ARHGAP10: variants seen among roughly 807,000 people sequenced by gnomAD.
The protein encoded by ARHGAP10 is Rho GTPase activating protein 10, also known as rho GTPase-activating protein 10.
Under a neutral mutation model 108.6 loss-of-function variants are expected in ARHGAP10, and 87 were observed. That is an observed-to-expected ratio of 0.80 (90% confidence interval 0.67 to 0.96). The LOEUF is 0.96. ARHGAP10 is among the 40% of genes least tolerant of loss of function. The pLI is 0.00. For missense variants in ARHGAP10, 939 were observed against 954.5 expected (o/e 0.98, Z 0.21); for synonymous variants, 347 against 341.1 (o/e 1.02, Z -0.19).
At position 147,822,837 on chromosome 4, in the gene ARHGAP10, T is replaced by C. The variant is rs1732561463; in HGVS notation, c.250+15T>C. 1 of 1,614,008 alleles carries C rather than the reference T, an allele frequency of 6.2e-7. No individual in the cohort carries two copies. The highest frequency in any genetic ancestry group is 1.3e-5 in the African/African-American group (1 of 75,040). On this transcript the variant is annotated intron_variant, in intron 2 of 22. Coordinates refer to ENST00000336498, the MANE Select transcript of ARHGAP10 (RefSeq NM_024605.4). ...ACGATGCATAGGTAATTAAACATGA[T>C]ATTTTGGTTTGTTTTCCTTTGCCAT...
rs1239573872 is a variant in ARHGAP10, at chr4:147,866,771, A to G, written c.657A>G (p.Lys219=). 2 of 1,614,016 alleles carry G rather than the reference A, an allele frequency of 1.2e-6. No homozygotes were observed. ...ATCATCAGGGCCATGAACTTGCCAA[A>G]GACTTCAATCACTACAAAATGGAAC... ...TFYHQGHELA[K]DFNHYKMELQ... is the part of the protein sequence containing the mutation. The change falls in exon 7 of 23, where the codon AAA becomes AAG. Residue 219 remains lysine, a synonymous_variant. Transcript: ENST00000336498.
At chr4:147,817,649 C>T (rs1732311082) in intron 1 of ARHGAP10, among the ~76,000 whole-genome samples, 1 of 152,200 alleles carries the variant, frequency 6.6e-6, no homozygotes, top group South Asian at 2.1e-4. Context: ...CATTGTCTCT[C>T]CTATTTGCCT....
intron 18 of ARHGAP10, among the ~76,000 whole-genome samples, chr4:147,993,043 T>C (rs1436736777): frequency 6.6e-6 from 1 of 152,258 alleles, no homozygotes; most frequent in Non-Finnish European, 1.5e-5. Context: ...ACCTTCTTTC[T>C]AATATCTTAC....
At chr4:148,042,695 T>A (rs1339367780) in intron 19 of ARHGAP10, among the ~76,000 whole-genome samples, 2 of 152,232 alleles carry the variant, frequency 1.3e-5, no homozygotes, top group East Asian at 3.8e-4. Context: ...GCCTGTCTTC[T>A]GCATTATACT....
chr4:147,908,362 A>G (rs1035814956), intron 11 of ARHGAP10, among the ~76,000 whole-genome samples: 4 of 152,200 alleles, frequency 2.6e-5, no homozygotes, highest in Admixed American at 2.6e-4. Flanking sequence ...TTGGAAAGTC[A>G]GTTTGCGTAG....
chr4:148,063,896 T>TG (rs2149690963), intron 21 of ARHGAP10, among the ~76,000 whole-genome samples: 1 of 152,278 alleles, frequency 6.6e-6, no homozygotes, highest in South Asian at 2.1e-4. Context: ...GTGCCTTTCT[T>TG]GGGGCGGAGG....
At position 148,072,221 on chromosome 4, in the gene ARHGAP10, T is replaced by C; in HGVS notation, c.*140T>C. On this transcript the variant is annotated 3_prime_UTR_variant, in exon 23 of 23. Transcript: ENST00000336498. Reference sequence around the variant, plus strand: ...GAGTTACCATCATCACAGTCAGCCCTGGGGGTGGGGGGTGGTGGGCAGGGA... The same window carrying C: ...GAGTTACCATCATCACAGTCAGCCCCGGGGGTGGGGGGTGGTGGGCAGGGA... 2.8e-6 allele frequency: 1 copy of C among 358,708 alleles called. No individual in the cohort carries two copies. The highest frequency in any genetic ancestry group is 7.3e-5 in the East Asian group (1 of 13,634). The allele number at this position is 358,708 out of a possible 1,614,324, so 22.2% of individuals were successfully genotyped here.
chr4:147,770,394 G>A (rs1480476688), intron 1 of ARHGAP10, among the ~76,000 whole-genome samples: 1 of 152,094 alleles, frequency 6.6e-6, no homozygotes, highest in Non-Finnish European at 1.5e-5. Context: ...GCATGGTGGT[G>A]GGCGCCTGTA....
chr4:147,765,888 A>G (rs546598181), intron 1 of ARHGAP10, among the ~76,000 whole-genome samples: 1 of 152,348 alleles, frequency 6.6e-6, no homozygotes, highest in East Asian at 1.9e-4. Flanking sequence ...TTTTGGAGAT[A>G]CACAATGCTG....
At chr4:147,915,737 G>A (rs1226878262) in intron 13 of ARHGAP10, among the ~76,000 whole-genome samples, 1 of 152,008 alleles carries the variant, frequency 6.6e-6, no homozygotes, top group African/African-American at 2.4e-5. Context: ...TTCCATTACT[G>A]AAACTTTTGC....
intron 19 of ARHGAP10, 37 bp from the exon 20 acceptor site, chr4:148,046,855 G>C (rs752266369): frequency 2.1e-5 from 34 of 1,585,080 alleles, no homozygotes; most frequent in Non-Finnish European, 2.5e-5. Context: ...TCTTCTCCAG[G>C]TATTTGTTTG....
chr4:147,965,100 G>A lies in ARHGAP10; in HGVS notation c.1527G>A (p.Met509Ile). ...VHKLPEKNKE[M>I]LDILVKHLTN... is the part of the protein sequence containing the mutation. ...AACTGCCAGAGAAGAATAAAGAGATGTTGGATATTTTGGTGAAACACTTAA... is the reference window on the plus strand; with the variant it reads ...AACTGCCAGAGAAGAATAAAGAGATATTGGATATTTTGGTGAAACACTTAA... Residue 509 changes from methionine (M) to isoleucine (I), a missense_variant, in exon 17 of 23, where the codon ATG (methionine) becomes ATA (isoleucine). Met to Ile is a conservative substitution (Grantham distance 10). Coordinates refer to ENST00000336498, the MANE Select transcript of ARHGAP10 (RefSeq NM_024605.4). 6.2e-7 allele frequency: 1 copy of A among 1,605,916 alleles called. No individual in the cohort carries two copies. Among genetic ancestry groups the A allele is most frequent in the South Asian group, 1.1e-5 (1 of 89,656 alleles).
chr4:147,840,196 A>AG (rs1449851259), intron 3 of ARHGAP10, among the ~76,000 whole-genome samples: 2 of 152,224 alleles, frequency 1.3e-5, no homozygotes, highest in Non-Finnish European at 2.9e-5. Flanking sequence ...CTTGCCAGGC[A>AG]GCCTGTTTCA....
chr4:147,732,453 AAAGT>A lies in ARHGAP10; in HGVS notation c.154+2_154+5del. On this transcript the variant is annotated splice_donor_variant and coding_sequence_variant, in exon 1 of 23. Transcript: ENST00000336498. LOFTEE classifies it high-confidence loss of function. ...GGGAAGAACCTCATCGCTGCGACGA[AAAGT>A]AAGCGGGGACGCGGGCGCGGACGGG... is the stretch of plus-strand genomic sequence containing the variant. 6.2e-7 allele frequency: 1 copy of A among 1,610,838 alleles called. No individual in the cohort carries two copies. The highest frequency in any genetic ancestry group is 8.5e-7 in the Non-Finnish European group (1 of 1,178,368).
intron 18 of ARHGAP10, among the ~76,000 whole-genome samples, chr4:148,007,017 T>G (rs1740977826): frequency 6.6e-6 from 1 of 152,168 alleles, no homozygotes; most frequent in African/African-American, 2.4e-5. Flanking sequence ...TAATAGGATG[T>G]AGAAAAATTA....
intron 18 of ARHGAP10, among the ~76,000 whole-genome samples, chr4:147,981,840 G>A (rs1578756370): frequency 6.6e-6 from 1 of 151,958 alleles, no homozygotes; most frequent in African/African-American, 2.4e-5. Flanking sequence ...ACTGTTGTTG[G>A]TTTAAAGTCT....
chr4:147,879,492 G>A (rs954728044), intron 9 of ARHGAP10, among the ~76,000 whole-genome samples, 154 bp downstream of exon 9: 37 of 151,944 alleles, frequency 2.4e-4, no homozygotes, highest in African/African-American at 8.5e-4. Context: ...GAGTGAAATG[G>A]GCCAGAAGAC....
intron 18 of ARHGAP10, among the ~76,000 whole-genome samples, chr4:147,990,132 C>G (rs534286140): frequency 6.6e-6 from 1 of 152,186 alleles, no homozygotes; most frequent in African/African-American, 2.4e-5. Context: ...GAAGGCACCC[C>G]GTCCTTCAGG....
intron 13 of ARHGAP10, among the ~76,000 whole-genome samples, chr4:147,929,634 A>G (rs1346950553): frequency 6.6e-6 from 1 of 152,192 alleles, no homozygotes; most frequent in African/African-American, 2.4e-5. Flanking sequence ...AACAATATTC[A>G]TGAGTCTCTT....
Sources: allele counts gnomAD v4.1 joint callset (sites outside exome capture counted in the v4.1 genomes callset), GRCh38; gene constraint gnomAD v4.1.1; transcripts MANE v1.5; gene names NCBI Gene and HGNC (gene_info 2026-07-23, HGNC 2026-07-21).